Variants in SLC25A15 observed in about 807,000 individuals in gnomAD.
The protein encoded by SLC25A15 is solute carrier family 25 member 15.
Under a neutral mutation model 32.3 loss-of-function variants are expected in SLC25A15, and 24 were observed. The ratio of observed to expected loss-of-function variants is 0.74; its 90% CI spans 0.54 to 1.04. SLC25A15 has a LOEUF of 1.04. Ranked by LOEUF, SLC25A15 falls within the 50% of genes least tolerant of loss-of-function variation. The pLI is 0.00. For synonymous variants in SLC25A15, 132 were observed against 142.1 expected, an observed-to-expected ratio of 0.93 and a Z score of 0.51; for missense variants, 317 against 374.5, an observed-to-expected ratio of 0.85 and a Z score of 1.27.
At chr13:40,795,682 G>C (rs1274508309) in intron 2 of SLC25A15, among the ~76,000 whole-genome samples, 2 of 152,126 alleles carry the variant, frequency 1.3e-5, no homozygotes, top group African/African-American at 4.8e-5. Flanking sequence ...ATGGTCTATA[G>C]GTTGGGGGCT....
At chr13:40,791,042 C>T (rs1881467692) in intron 1 of SLC25A15, among the ~76,000 whole-genome samples, 1 of 151,808 alleles carries the variant, frequency 6.6e-6, no homozygotes, top group Non-Finnish European at 1.5e-5. Flanking sequence ...TCTAGGAGGC[C>T]ACATTGTACT....
In SLC25A15 at chr13:40,810,839, GCTTAC is replaced by G. The variant is rs775263243; in HGVS notation, c.*1176_*1180del. 1 of 534,788 alleles carries G rather than the reference GCTTAC, an allele frequency of 1.9e-6. No homozygotes were observed. The highest frequency in any genetic ancestry group is 1.4e-5 in the South Asian group (1 of 71,590). 33.1% of individuals were successfully genotyped at this position (534,788 alleles called of 1,614,324 possible). A position where few individuals can be genotyped will look rare whatever the true frequency, so the allele number is the denominator to read the frequency against. On this transcript the variant is annotated 3_prime_UTR_variant, in exon 7 of 7. Coordinates refer to ENST00000338625, the MANE Select transcript of SLC25A15 (RefSeq NM_014252.4). ...GAAGACCCATGTGGCTAGCAACAGC[GCTTAC>G]CTTTTGTCTCTGGGTCCTGGCCTGG... is the stretch of plus-strand genomic sequence containing the variant.
rs751176510 is a variant in SLC25A15, at chr13:40,809,623, G to A, written c.862G>A (p.Glu288Lys). 1.1e-5 allele frequency: 17 copies of A among 1,612,576 alleles called. No individual in the cohort carries two copies. The highest frequency in any genetic ancestry group is 8.3e-5 in the Admixed American group (5 of 59,984). ...PANGALFLAY[E>K]YSRKLMMNQL... is the part of the protein sequence containing the mutation. The stretch of plus-strand genomic sequence containing the variant: ...CAATGGAGCACTCTTTTTGGCCTAC[G>A]AATATAGCAGGAAGTTGATGATGAA... Residue 288 changes from glutamate to lysine, a missense_variant, in exon 7 of 7, where the codon GAA becomes AAA. Physicochemically the swap from Glu to Lys is moderately conservative, Grantham distance 56 (BLOSUM62 1). Transcript: ENST00000338625.
At chr13:40,802,612 G>A (rs1387185691) in intron 3 of SLC25A15, among the ~76,000 whole-genome samples, 5 of 146,576 alleles carry the variant, frequency 3.4e-5, no homozygotes, top group African/African-American at 1.3e-4. Flanking sequence ...GTCTCACTCT[G>A]TCGCCCAGGC....
intron 1 of SLC25A15, among the ~76,000 whole-genome samples, chr13:40,790,436 T>C (rs529147181): frequency 3.9e-5 from 6 of 152,296 alleles, no homozygotes; most frequent in East Asian, 1.9e-4. Context: ...TAATTCATGC[T>C]GAACAGTCTT....
intron 3 of SLC25A15, 101 bp from the exon 4 acceptor site, chr13:40,805,017 C>A: frequency 6.9e-7 from 1 of 1,441,410 alleles, no homozygotes; most frequent in Non-Finnish European, 9.7e-7. Context: ...TGCCCTCACG[C>A]CCGGCTCCTT....
At position 40,807,316 on chromosome 13, in the gene SLC25A15, A is replaced by T. The variant is rs1373601600; in HGVS notation, c.475A>T (p.Ser159Cys). 6.2e-7 allele frequency: 1 copy of T among 1,614,142 alleles called. No homozygotes were observed. Reference protein sequence around the residue: ...SQNTVWSVIKSILRKDGPLGF... With the variant: ...SQNTVWSVIKCILRKDGPLGF... ...CAGTACAGTGTGGTCTGTCATCAAA[A>T]GTATTCTTAGGAAAGATGGCCCCTT... The change falls in exon 5 of 7, where the codon AGT (serine) becomes TGT (cysteine). Residue 159 changes from serine to cysteine, a missense_variant. Physicochemically the swap from Ser to Cys is moderately radical, Grantham distance 112. Coordinates refer to ENST00000338625, the MANE Select transcript of SLC25A15 (RefSeq NM_014252.4).
chr13:40,809,580 G>A lies in SLC25A15; in HGVS notation c.819G>A (p.Met273Ile). ...TATATTCTGGACTGAAACCTACTAT[G>A]ATTCGAGCATTCCCTGCCAATGGAG... ...TALYSGLKPTMIRAFPANGAL... is the reference protein window; with the variant it reads ...TALYSGLKPTIIRAFPANGAL... The change falls in exon 7 of 7, where the codon ATG (methionine) becomes ATA (isoleucine). Residue 273 changes from methionine (M) to isoleucine (I), a missense_variant. Coordinates refer to ENST00000338625, the MANE Select transcript of SLC25A15 (RefSeq NM_014252.4). The A allele has an allele frequency of 6.2e-7, 1 of 1,612,016 alleles. No individual in the cohort carries two copies. The highest frequency in any genetic ancestry group is 1.3e-5 in the African/African-American group (1 of 74,944).
Position 40,791,364 on chromosome 13 carries a change from AT to A in SLC25A15, c.-70+1712del, listed in dbSNP as rs1426008130. 2.0e-4 allele frequency among the ~76,000 whole-genome samples: 25 copies of A among 127,934 alleles called. 1 individual carries two copies. Among genetic ancestry groups the A allele is most frequent in the South Asian group, 4.6e-4 (2 of 4,340 alleles). The allele number at this position is 127,934 out of a possible 152,430, so 83.9% of individuals were successfully genotyped here. On this transcript the variant is annotated intron_variant, in intron 1 of 6. Transcript: ENST00000338625. ...TTTTTTATTTTCTATTATTATTATT[AT>A]TTTTTTTTTTGAGACAGAGTCTCAC...
chr13:40,807,002 C>T (rs1482441170), intron 4 of SLC25A15, among the ~76,000 whole-genome samples: 1 of 152,180 alleles, frequency 6.6e-6, no homozygotes, highest in African/African-American at 2.4e-5. Flanking sequence ...AACACCTGAA[C>T]AAATTTCCCA....
intron 3 of SLC25A15, among the ~76,000 whole-genome samples, chr13:40,801,397 T>G (rs1438254547): frequency 1.3e-5 from 2 of 151,832 alleles, no homozygotes; most frequent in East Asian, 3.9e-4. Context: ...AGCTCTGACA[T>G]GTATATCATG....
intron 1 of SLC25A15, among the ~76,000 whole-genome samples, chr13:40,791,325 A>AT (rs920881382): frequency 1.4e-5 from 2 of 141,362 alleles, no homozygotes; most frequent in African/African-American, 5.3e-5. Flanking sequence ...TTATTTATTT[A>AT]TTTATTTATT....
chr13:40,801,229 C>CAAAAAAA (rs1246800749), intron 3 of SLC25A15, among the ~76,000 whole-genome samples: 1 of 83,776 alleles, frequency 1.2e-5, no homozygotes. Context: ...CTGTGTCTCT[C>CAAAAAAA]AAAAAAAAAA....
At position 40,809,490 on chromosome 13, in the gene SLC25A15, G is replaced by A. The variant is rs1418980700; in HGVS notation, c.782-53G>A. On this transcript the variant is annotated intron_variant, in intron 6 of 6. Transcript: ENST00000338625. ...ATACCTATGCTATGCAGCTGCGTGG[G>A]TATCCCCAAAGGAGGGATTGTTGCA... The A allele has an allele frequency of 6.8e-6, 11 of 1,610,116 alleles. No homozygotes were observed. In the African/African-American group the frequency reaches 1.5e-4, roughly 22 times the overall value.
chr13:40,798,394 A>G (rs573503487), intron 2 of SLC25A15, among the ~76,000 whole-genome samples: 1 of 152,338 alleles, frequency 6.6e-6, no homozygotes, highest in Non-Finnish European at 1.5e-5. Flanking sequence ...CTCTATTTAC[A>G]TACACGTTAT....
chr13:40,791,753 A>G (rs1015829698), intron 1 of SLC25A15, among the ~76,000 whole-genome samples: 1 of 152,178 alleles, frequency 6.6e-6, no homozygotes, highest in Non-Finnish European at 1.5e-5. Flanking sequence ...AACAGCATAT[A>G]AATCAGTGTC....
chr13:40,807,718 T>A (rs561126375), intron 5 of SLC25A15, among the ~76,000 whole-genome samples: 2 of 152,352 alleles, frequency 1.3e-5, no homozygotes, highest in East Asian at 1.9e-4. Flanking sequence ...TAAAGTTTTT[T>A]AATTTTTCTG....
chr13:40,795,252 A>G (rs1047649838), intron 2 of SLC25A15, among the ~76,000 whole-genome samples: 1 of 152,214 alleles, frequency 6.6e-6, no homozygotes, highest in Admixed American at 6.5e-5. Flanking sequence ...GTTTCTGCAG[A>G]AGGAGGGTGT....
intron 2 of SLC25A15, among the ~76,000 whole-genome samples, chr13:40,798,486 T>C (rs1168845748): frequency 6.6e-6 from 1 of 152,174 alleles, no homozygotes; most frequent in African/African-American, 2.4e-5. Context: ...CCAGACTCCT[T>C]GTTTCCTTTC....
Sources: gnomAD v4.1 joint callset for allele counts (sites outside exome capture counted in the v4.1 genomes callset) on GRCh38, gnomAD v4.1.1 for gene constraint, MANE v1.5 for transcripts, NCBI Gene and HGNC (gene_info 2026-07-23, HGNC 2026-07-21) for gene names.